The following USP32 variants were observed in gnomAD, a reference collection of about 807,000 sequenced individuals.
USP32 encodes the protein ubiquitin carboxyl-terminal hydrolase 32.
A neutral mutation model predicts 204.8 loss-of-function variants in USP32; 59 were observed. That is an observed-to-expected ratio of 0.29 (90% CI 0.23 to 0.36). The LOEUF (loss-of-function observed/expected upper bound fraction) is 0.36. Among genes scored for constraint, USP32 ranks in the 10% least tolerant of loss-of-function variants. USP32 has a pLI of 1.00. For missense variants in USP32, 1,160 were observed against 1,946.4 expected (o/e 0.60, Z 7.60); for synonymous variants, 517 against 678.4 (o/e 0.76, Z 3.70).
In USP32 at chr17:60,214,627, T is replaced by C. The variant is rs772977813; in HGVS notation, c.2015A>G (p.Asn672Ser). Reference protein sequence around the residue: ...KEEDMRLWLYNSENYLTLLDD... With the variant: ...KEEDMRLWLYSSENYLTLLDD... ...CTCTGAGATGCCTCTTACCTCACTG[T>C]TGTATAGCCACAGGCGCATATCTTC... Residue 672 changes from asparagine (N) to serine (S), a missense_variant, in exon 17 of 34, where the codon AAC becomes AGC. Around this residue, in one of 8 missense-constraint regions of USP32, gnomAD observed 132 missense variants for 432.8 expected, o/e 0.30. Transcript: ENST00000300896. The C allele has an allele frequency of 5.0e-6, 8 of 1,613,316 alleles. No homozygotes were observed. Among genetic ancestry groups the C allele is most frequent in the Non-Finnish European group, 6.8e-6 (8 of 1,179,380 alleles).
chr17:60,344,768 CTTAT>C (rs1292244663), intron 2 of USP32, among the ~76,000 whole-genome samples: 1 of 152,212 alleles, frequency 6.6e-6, no homozygotes, highest in Non-Finnish European at 1.5e-5. Flanking sequence ...AAATTTTATT[CTTAT>C]TTCTCATTTA....
chr17:60,354,112 T>C (rs901272667), intron 1 of USP32, among the ~76,000 whole-genome samples: 2 of 152,244 alleles, frequency 1.3e-5, no homozygotes. Context: ...AGTTCAATAC[T>C]TTATTATTAC....
chr17:60,399,487 T>C (rs2089920621), intron 1 of USP32, among the ~76,000 whole-genome samples: 1 of 151,712 alleles, frequency 6.6e-6, no homozygotes, highest in Non-Finnish European at 1.5e-5. Flanking sequence ...AGAGCCTGTC[T>C]CTACAAAAAA....
At chr17:60,347,376 C>T (rs2146010349) in intron 1 of USP32, among the ~76,000 whole-genome samples, 2 of 146,926 alleles carry the variant, frequency 1.4e-5, no homozygotes, top group Admixed American at 6.8e-5. Context: ...TTTTATGAGA[C>T]GGCATCTTGC....
intron 18 of USP32, among the ~76,000 whole-genome samples, chr17:60,212,832 C>T (rs1377912787): frequency 6.6e-6 from 1 of 151,832 alleles, no homozygotes; most frequent in Admixed American, 6.6e-5. Context: ...TGAGTCACTG[C>T]AACCTCCGCC....
At chr17:60,257,904 C>T (rs1351326675) in intron 9 of USP32, 2 of 152,142 alleles carry the variant, frequency 1.3e-5, no homozygotes, top group African/African-American at 4.8e-5. Context: ...TACTAAGTTG[C>T]TTTTTTTCGT....
At chr17:60,293,676 A>C (rs936619665) in intron 4 of USP32, among the ~76,000 whole-genome samples, 1 of 152,226 alleles carries the variant, frequency 6.6e-6, no homozygotes, top group Non-Finnish European at 1.5e-5. Flanking sequence ...TAAGAAACTA[A>C]TGATAGGCAG....
In USP32 at chr17:60,183,197, G is replaced by A; in HGVS notation, c.4091C>T (p.Ser1364Leu). ...GCTGCTGATGATGTTAGCGCTGAGT[G>A]AGGATGGGCTTTTGCTCAGGAGCAC... is the stretch of plus-strand genomic sequence containing the variant. ...EDVLLSKSPSSLSANIISSPK... is the reference protein window; with the variant it reads ...EDVLLSKSPSLLSANIISSPK... Residue 1364 changes from serine to leucine, a missense_variant, in exon 31 of 34, where the codon TCA becomes TTA. This residue lies in a region of USP32 where 244 missense variants were observed against 342.3 expected (regional missense o/e 0.71). Coordinates refer to ENST00000300896, the MANE Select transcript of USP32 (RefSeq NM_032582.4). 7 of 1,613,906 alleles carry A rather than the reference G, an allele frequency of 4.3e-6. No homozygotes were observed. The highest frequency in any genetic ancestry group is 1.3e-5 in the African/African-American group (1 of 75,068).
intron 2 of USP32, among the ~76,000 whole-genome samples, chr17:60,335,417 T>C (rs2088492490): frequency 7.0e-6 from 1 of 143,120 alleles, no homozygotes; most frequent in African/African-American, 3.0e-5. Flanking sequence ...CAAAGTCCTA[T>C]CCAGTTCCTA....
chr17:60,232,347 A>G (rs2145618261), intron 12 of USP32, among the ~76,000 whole-genome samples: 1 of 150,354 alleles, frequency 6.7e-6, no homozygotes, highest in East Asian at 2.0e-4. Context: ...TAATTTTTAT[A>G]TTTTTAGTAG....
rs757356013 is a variant in USP32, at chr17:60,198,414, G to C, written c.3280C>G (p.Gln1094Glu). Residue 1094 changes from glutamine (Q) to glutamate (E), a missense_variant, in exon 27 of 34, where the codon CAG (glutamine) becomes GAG (glutamate). This residue lies in a region of USP32 where 160 missense variants were observed against 322.5 expected (regional missense o/e 0.50). Coordinates refer to ENST00000300896, the MANE Select transcript of USP32 (RefSeq NM_032582.4). ...CCAAAGAGGCTGGGGCGATTCTTCTGAGATGACAGGAAATACAGTTCTGTC... is the reference window on the plus strand; with the variant it reads ...CCAAAGAGGCTGGGGCGATTCTTCTCAGATGACAGGAAATACAGTTCTGTC... ...MRTELYFLSS[Q>E]KNRPSLFGMP... The C allele has an allele frequency of 6.2e-7, 1 of 1,614,138 alleles. No homozygotes were observed. Among genetic ancestry groups the C allele is most frequent in the Non-Finnish European group, 8.5e-7 (1 of 1,180,010 alleles).
chr17:60,310,878 A>G (rs1006211235), intron 2 of USP32, among the ~76,000 whole-genome samples: 4 of 152,184 alleles, frequency 2.6e-5, no homozygotes, highest in Admixed American at 1.3e-4. Flanking sequence ...ACTACCAAAA[A>G]ACAAAAATAA....
chr17:60,193,921 A>C (rs1598042630), intron 27 of USP32, among the ~76,000 whole-genome samples: 1 of 152,178 alleles, frequency 6.6e-6, no homozygotes, highest in East Asian at 1.9e-4. Context: ...TAACGGGATA[A>C]AACAGTCAAG....
chr17:60,337,817 G>A (rs2088558573), intron 2 of USP32, among the ~76,000 whole-genome samples: 1 of 151,988 alleles, frequency 6.6e-6, no homozygotes, highest in Non-Finnish European at 1.5e-5. Context: ...GGAGGTCGAG[G>A]CTACAATGAG....
chr17:60,267,030 C>T (rs930322445), intron 7 of USP32, among the ~76,000 whole-genome samples: 1 of 150,826 alleles, frequency 6.6e-6, no homozygotes, highest in East Asian at 2.0e-4. Context: ...CTCAAGTGAT[C>T]CACCGGCCTT....
intron 11 of USP32, among the ~76,000 whole-genome samples, chr17:60,239,793 G>A (rs2085828303): frequency 6.6e-6 from 1 of 152,230 alleles, no homozygotes; most frequent in African/African-American, 2.4e-5. Flanking sequence ...AGTGCAAGTG[G>A]CACAATCTCA....
intron 1 of USP32, among the ~76,000 whole-genome samples, chr17:60,373,062 T>C (rs554056268): frequency 5.1e-4 from 77 of 151,968 alleles, no homozygotes; most frequent in Non-Finnish European, 9.7e-4. Flanking sequence ...AGCTACTCTA[T>C]AGGCTAAGGT....
At chr17:60,179,485 C>A in intron 33 of USP32, 57 bp from the exon 34 acceptor site, 1 of 1,591,544 alleles carries the variant, frequency 6.3e-7, no homozygotes, top group Non-Finnish European at 8.6e-7. Flanking sequence ...GCTCTAAATC[C>A]TTGCCAGGAA....
chr17:60,212,501 C>G, intron 18 of USP32, among the ~76,000 whole-genome samples: 1 of 152,022 alleles, frequency 6.6e-6, no homozygotes, highest in East Asian at 1.9e-4. Flanking sequence ...CTGCTGTATA[C>G]AGGTCTTTTG....
Sources: allele counts gnomAD v4.1 joint callset (sites outside exome capture counted in the v4.1 genomes callset), GRCh38; gene constraint gnomAD v4.1.1; regional missense constraint gnomAD v4.1.1; transcripts MANE v1.5; gene names NCBI Gene and HGNC (gene_info 2026-07-23, HGNC 2026-07-21).